The following GLT8D2 variants were observed in gnomAD, a reference collection of about 807,000 sequenced individuals.
GLT8D2 encodes glycosyltransferase 8 domain-containing protein 2.
In GLT8D2, 45 loss-of-function variants were observed where a neutral mutation model predicts 44.5. The ratio of observed to expected loss-of-function variants is 1.01; its 90% confidence interval spans 0.80 to 1.30. The LOEUF is 1.30. Ranked by LOEUF, GLT8D2 falls within the 50% of genes most tolerant of loss-of-function variation. The pLI is 0.00. For missense variants in GLT8D2, 400 were observed against 430.4 expected (o/e 0.93, Z 0.62); for synonymous variants, 156 against 157.2 (o/e 0.99, Z 0.06).
chr12:104,032,585 G>T (rs1357613346), intron 1 of GLT8D2, among the ~76,000 whole-genome samples: 1 of 151,386 alleles, frequency 6.6e-6, no homozygotes, highest in African/African-American at 2.4e-5. Flanking sequence ...AATAATCAGG[G>T]ATATTCAAAT....
intron 1 of GLT8D2, among the ~76,000 whole-genome samples, chr12:104,026,486 G>A (rs538342371): frequency 6.6e-6 from 1 of 152,126 alleles, no homozygotes; most frequent in South Asian, 2.1e-4. Flanking sequence ...AAATATACCT[G>A]TTAAGACTTT....
chr12:103,991,103 A>G (rs1350010057), intron 10 of GLT8D2, among the ~76,000 whole-genome samples: 1 of 152,174 alleles, frequency 6.6e-6, no homozygotes, highest in Non-Finnish European at 1.5e-5. Context: ...TTCAGCACAG[A>G]TGGAAGCTCT....
At position 103,989,121 on chromosome 12, in the gene GLT8D2, A is replaced by G. The variant is rs997578636; in HGVS notation, c.*287T>C. ...GTAGAAGTTTTAAAAATTTGTGGAT[A>G]TAATTGTCATTCAGAATTAAGCAGG... On this transcript the variant is annotated 3_prime_UTR_variant, in exon 11 of 11. Transcript: ENST00000360814. 3 of 231,072 alleles carry G rather than the reference A, an allele frequency of 1.3e-5. No homozygotes were observed. Among genetic ancestry groups the G allele is most frequent in the Non-Finnish European group, 2.5e-5 (3 of 120,608 alleles). 14.3% of individuals were successfully genotyped at this position (231,072 alleles called of 1,614,324 possible).
intron 4 of GLT8D2, among the ~76,000 whole-genome samples, chr12:104,012,000 CAT>C (rs1403429355): frequency 6.6e-6 from 1 of 151,438 alleles, no homozygotes; most frequent in Non-Finnish European, 1.5e-5. Flanking sequence ...GGAGAAACCC[CAT>C]CTCTCCTAAA....
chr12:104,045,788 A>G (rs572285623), intron 1 of GLT8D2, among the ~76,000 whole-genome samples: 5 of 152,138 alleles, frequency 3.3e-5, no homozygotes, highest in South Asian at 4.2e-4. Context: ...TTCATTTTAC[A>G]TGCCAGCTCT....
intron 1 of GLT8D2, among the ~76,000 whole-genome samples, chr12:104,025,217 C>A (rs1343937353): frequency 6.7e-6 from 1 of 148,646 alleles, no homozygotes; most frequent in Non-Finnish European, 1.5e-5. Flanking sequence ...TTATTTTTTT[C>A]TTTTTTTTTG....
rs780083954 is a variant in GLT8D2, at chr12:103,997,513, A to C, written c.425T>G (p.Leu142Arg). Residue 142 changes from leucine to arginine, a missense_variant, in exon 7 of 11, where the codon CTC (leucine) becomes CGC (arginine). Physicochemically the swap from Leu to Arg is moderately radical, Grantham distance 102 (BLOSUM62 -2). Coordinates refer to ENST00000360814, the MANE Select transcript of GLT8D2 (RefSeq NM_001384711.1). ...LQPLNFVRFY[L>R]PLLIHQHEKV... Reference sequence around the variant, plus strand: ...CTCGTGTTGGTGGATAAGTAGAGGGAGATAAAATCGAACAAAGTTCAGCTG... The same window carrying C: ...CTCGTGTTGGTGGATAAGTAGAGGGCGATAAAATCGAACAAAGTTCAGCTG... The C allele has an allele frequency of 1.2e-6, 2 of 1,613,652 alleles. No individual in the cohort carries two copies. Among genetic ancestry groups the C allele is most frequent in the South Asian group, 2.2e-5 (2 of 91,064 alleles).
intron 1 of GLT8D2, among the ~76,000 whole-genome samples, chr12:104,047,335 G>A (rs1460809497): frequency 3.0e-5 from 4 of 134,820 alleles, no homozygotes; most frequent in East Asian, 2.1e-4. Flanking sequence ...ATGGAGTTTC[G>A]CTCTCGTTGC....
chr12:104,061,090 T>A (rs902409759), intron 1 of GLT8D2, among the ~76,000 whole-genome samples: 1 of 152,188 alleles, frequency 6.6e-6, no homozygotes, highest in African/African-American at 2.4e-5. Flanking sequence ...CCTACAGGTT[T>A]TGCAGGGATC....
intron 1 of GLT8D2, among the ~76,000 whole-genome samples, chr12:104,046,900 C>G (rs1881211130): frequency 6.6e-6 from 1 of 152,034 alleles, no homozygotes; most frequent in Admixed American, 6.5e-5. Context: ...TCGTAGCTTA[C>G]TATAGCCTCG....
At chr12:104,020,226 A>AT (rs1238959345) in intron 2 of GLT8D2, among the ~76,000 whole-genome samples, 2 of 151,850 alleles carry the variant, frequency 1.3e-5, no homozygotes, top group African/African-American at 2.4e-5. Flanking sequence ...CCAGCCCAGA[A>AT]TTTTTTTTAA....
rs574928139 is a variant in GLT8D2, at chr12:104,000,133, C to T, written c.285-619G>A. 3.4e-4 allele frequency among the ~76,000 whole-genome samples: 51 copies of T among 151,898 alleles called. No individual in the cohort carries two copies. The South Asian group carries it at 9.8e-3, about 29-fold the overall frequency. On this transcript the variant is annotated intron_variant, in intron 5 of 10. Transcript: ENST00000360814. Reference sequence around the variant, plus strand: ...TAGAAATAATCTCAAAATAAAATGTCGAATGACTAAAGCCACCTAGGGTAG... The same window carrying T: ...TAGAAATAATCTCAAAATAAAATGTTGAATGACTAAAGCCACCTAGGGTAG...
At chr12:103,997,049 G>A (rs1873522195) in intron 7 of GLT8D2, among the ~76,000 whole-genome samples, 1 of 152,198 alleles carries the variant, frequency 6.6e-6, no homozygotes, top group Non-Finnish European at 1.5e-5. Flanking sequence ...AACTGGCACT[G>A]ATCTAATTTC....
chr12:104,005,098 C>A (rs891830303), intron 4 of GLT8D2, among the ~76,000 whole-genome samples: 3 of 152,196 alleles, frequency 2.0e-5, no homozygotes, highest in African/African-American at 4.8e-5. Context: ...ACCATCTGAT[C>A]TTTGACAAAC....
intron 1 of GLT8D2, among the ~76,000 whole-genome samples, chr12:104,063,561 GA>G (rs1882877266): frequency 6.6e-6 from 1 of 152,126 alleles, no homozygotes; most frequent in African/African-American, 2.4e-5. Context: ...TAAAAATAAA[GA>G]GTTGCGTATG....
chr12:104,026,474 C>G (rs575840167), intron 1 of GLT8D2, among the ~76,000 whole-genome samples: 1 of 152,054 alleles, frequency 6.6e-6, no homozygotes, highest in Non-Finnish European at 1.5e-5. Context: ...CCTCTATTCT[C>G]GAAATATACC....
chr12:104,000,570 G>C (rs1262071249), intron 5 of GLT8D2, among the ~76,000 whole-genome samples: 3 of 152,160 alleles, frequency 2.0e-5, no homozygotes, highest in African/African-American at 7.2e-5. Context: ...AAAGGGGGCA[G>C]GGAGTAGACT....
At chr12:104,040,151 G>C (rs979331951) in intron 1 of GLT8D2, among the ~76,000 whole-genome samples, 1 of 152,202 alleles carries the variant, frequency 6.6e-6, no homozygotes, top group African/African-American at 2.4e-5. Context: ...CTGTCATGGG[G>C]TGGGAGCAGG....
chr12:104,055,802 G>A (rs1882139043), intron 1 of GLT8D2, among the ~76,000 whole-genome samples: 1 of 152,220 alleles, frequency 6.6e-6, no homozygotes, highest in Non-Finnish European at 1.5e-5. Flanking sequence ...TTCTGTAGTA[G>A]TACATGAATT....
Sources: gnomAD v4.1 joint callset for allele counts (sites outside exome capture counted in the v4.1 genomes callset) on GRCh38, gnomAD v4.1.1 for gene constraint, MANE v1.5 for transcripts, NCBI Gene and HGNC (gene_info 2026-07-23, HGNC 2026-07-21) for gene names.